Variants in MYO18B observed in about 807,000 individuals in gnomAD.
MYO18B encodes the protein myosin XVIIIB.
MYO18B carries 204 observed loss-of-function variants against 273.0 expected under a neutral mutation model. That is an observed-to-expected ratio of 0.75 (90% CI 0.67 to 0.84). The LOEUF (loss-of-function observed/expected upper bound fraction) is 0.84. MYO18B is among the 40% of genes least tolerant of loss of function. The pLI, the probability that MYO18B is intolerant of heterozygous loss-of-function variation, is 0.00. For synonymous variants in MYO18B, 1,330 were observed against 1,305.7 expected (o/e 1.02, Z -0.40); for missense variants, 3,212 against 3,287.6 (o/e 0.98, Z 0.56).
At position 25,752,388 on chromosome 22, in the gene MYO18B, C is replaced by T. The variant is rs112441701; in HGVS notation, c.-109-8596C>T. Among the ~76,000 whole-genome samples, 609 of 151,272 alleles carry T rather than the reference C, an allele frequency of 4.0e-3. 1 individual carries two copies. Among genetic ancestry groups the T allele is most frequent in the African/African-American group, 0.014 (586 of 41,182 alleles). On this transcript the variant is annotated intron_variant, in intron 1 of 43. Transcript: ENST00000335473. The stretch of plus-strand genomic sequence containing the variant: ...ATTTTTAGTAGAGACGGGGTTTCAC[C>T]GTTTTAGCCGGGATGGTCTCGATCT...
chr22:25,797,102 C>CTG (rs1168675828), intron 11 of MYO18B, among the ~76,000 whole-genome samples: 1 of 152,190 alleles, frequency 6.6e-6, no homozygotes, highest in Non-Finnish European at 1.5e-5. Flanking sequence ...TGGCGGGTGC[C>CTG]TGTAAGCCCA....
intron 22 of MYO18B, among the ~76,000 whole-genome samples, chr22:25,869,593 T>G (rs2090993223): frequency 6.6e-6 from 1 of 151,970 alleles, no homozygotes; most frequent in Non-Finnish European, 1.5e-5. Context: ...GAATGCCATC[T>G]AAGAAAACTT....
intron 43 of MYO18B, among the ~76,000 whole-genome samples, chr22:26,029,006 C>T (rs907069714): frequency 3.9e-5 from 6 of 152,116 alleles, no homozygotes; most frequent in African/African-American, 1.4e-4. Context: ...GTTATTTATT[C>T]CCATTTACCA....
intron 42 of MYO18B, among the ~76,000 whole-genome samples, chr22:26,013,345 T>G (rs1935061975): frequency 6.6e-6 from 1 of 152,134 alleles, no homozygotes; most frequent in Non-Finnish European, 1.5e-5. Flanking sequence ...CACATAGAAT[T>G]ATCGGGTCCA....
rs149419407 is a variant in MYO18B at position 25,873,959 on chromosome 22, G to A, written c.3952-327G>A. ...CAAAGGAACGTGCACAGGAATCCCCGGGGGATTGTGTTAAAGTGCAGGTTC... is the reference window on the plus strand; with the variant it reads ...CAAAGGAACGTGCACAGGAATCCCCAGGGGATTGTGTTAAAGTGCAGGTTC... On this transcript the variant is annotated intron_variant, in intron 22 of 43. Transcript: ENST00000335473. Among the ~76,000 whole-genome samples the A allele has an allele frequency of 4.3e-4, 65 of 152,260 alleles. 1 individual carries two copies. In the East Asian group the frequency reaches 0.01, roughly 24 times the overall value.
intron 23 of MYO18B, among the ~76,000 whole-genome samples, 171 bp from the exon 24 acceptor site, chr22:25,876,018 G>T (rs1358960513): frequency 2.1e-5 from 3 of 141,444 alleles, no homozygotes; most frequent in Non-Finnish European, 4.6e-5. Flanking sequence ...GTGTGTGTGT[G>T]TGTGTGTGTG....
At chr22:25,743,525 A>G (rs553905842) in intron 1 of MYO18B, among the ~76,000 whole-genome samples, 2 of 152,028 alleles carry the variant, frequency 1.3e-5, no homozygotes, top group East Asian at 3.9e-4. Context: ...GGAAAAAAGC[A>G]GGAGGAGAAA....
At chr22:26,029,724 C>T (rs73154188) in intron 43 of MYO18B, among the ~76,000 whole-genome samples, 8,663 of 152,154 alleles carry the variant, frequency 0.057, 423 homozygotes, top group African/African-American at 0.14. Context: ...CAAGACCCCC[C>T]AAAGCTCAGT....
intron 39 of MYO18B, among the ~76,000 whole-genome samples, chr22:25,991,659 C>T (rs542578374): frequency 7.9e-5 from 12 of 152,328 alleles, no homozygotes; most frequent in South Asian, 2.1e-4. Context: ...AGTTCCAGCT[C>T]CGCCATGAAG....
chr22:25,778,082 G>A (rs943443754), intron 8 of MYO18B, among the ~76,000 whole-genome samples: 3 of 152,162 alleles, frequency 2.0e-5, no homozygotes, highest in Non-Finnish European at 2.9e-5. Flanking sequence ...CCTAATAGAC[G>A]TACACAAATC....
chr22:25,979,946 T>C (rs1194811316), intron 39 of MYO18B, among the ~76,000 whole-genome samples: 2 of 152,066 alleles, frequency 1.3e-5, no homozygotes, highest in Non-Finnish European at 1.5e-5. Context: ...TTCCTCACCA[T>C]TGAAGCTCCA....
chr22:25,840,223 A>G (rs1422661817), intron 17 of MYO18B, among the ~76,000 whole-genome samples: 1 of 152,172 alleles, frequency 6.6e-6, no homozygotes, highest in South Asian at 2.1e-4. Flanking sequence ...TAACAAGGCC[A>G]TATGTGCATG....
chr22:25,753,001 T>C (rs11704840), intron 1 of MYO18B, among the ~76,000 whole-genome samples: 47,830 of 152,170 alleles, frequency 0.31, 7,904 homozygotes, highest in South Asian at 0.42. Flanking sequence ...CCGCCCGCGC[T>C]GCGCTCGAAT....
intron 15 of MYO18B, among the ~76,000 whole-genome samples, chr22:25,831,895 C>CCTACACAAAGG (rs2145932246): frequency 6.6e-6 from 1 of 152,202 alleles, no homozygotes; most frequent in African/African-American, 2.4e-5. Context: ...AATCTTTCTT[C>CCTACACAAAGG]CTACACAAAG....
chr22:25,921,360 A>G lies in MYO18B; in HGVS notation c.5468A>G (p.Asp1823Gly). The change falls in exon 34 of 44, where the codon GAT (aspartate) becomes GGT (glycine). Residue 1823 changes from aspartate to glycine, a missense_variant. Coordinates refer to ENST00000335473, the MANE Select transcript of MYO18B (RefSeq NM_032608.7). ...CAGCTCCTTCTGGGCACCATGGAGG[A>G]TGGCAAGACATCAGTCAGCAAGGAG... ...DVQLLLGTME[D>G]GKTSVSKEEL... The G allele has an allele frequency of 1.3e-6, 2 of 1,596,460 alleles. No individual in the cohort carries two copies. Among genetic ancestry groups the G allele is most frequent in the Non-Finnish European group, 1.7e-6 (2 of 1,171,530 alleles).
chr22:25,768,567 G>T lies in MYO18B; in HGVS notation c.651G>T (p.Arg217=). 2 of 1,536,214 alleles carry T rather than the reference G, an allele frequency of 1.3e-6. No homozygotes were observed. The highest frequency in any genetic ancestry group is 2.6e-5 in the South Asian group (2 of 76,242). Residue 217 remains arginine (R), a synonymous_variant, in exon 4 of 44, where the codon CGG becomes CGT. Coordinates refer to ENST00000335473, the MANE Select transcript of MYO18B (RefSeq NM_032608.7). ...TGGCCCCGAAAGCTGAGAAGACCCG[G>T]ACTGGGGGTCTTGGGGACCCAGGCC... The part of the protein sequence containing the change: ...EILAPKAEKT[R]TGGLGDPGQG...
At chr22:25,859,712 TG>T (rs1208294800) in intron 21 of MYO18B, among the ~76,000 whole-genome samples, 1 of 152,192 alleles carries the variant, frequency 6.6e-6, no homozygotes. Flanking sequence ...TTAATTAGGC[TG>T]TTTATCTTAT....
intron 12 of MYO18B, among the ~76,000 whole-genome samples, chr22:25,812,257 CG>C (rs2088796860): frequency 6.6e-6 from 1 of 152,172 alleles, no homozygotes. Context: ...GTGAAGAATG[CG>C]GGGCTCAGAA....
intron 16 of MYO18B, 76 bp from the exon 17 acceptor site, chr22:25,835,220 T>C: frequency 6.6e-7 from 1 of 1,503,924 alleles, no homozygotes; most frequent in South Asian, 1.3e-5. Flanking sequence ...TCATTCCCTA[T>C]CGGTGGGAAG....
Sources: gnomAD v4.1 joint callset for allele counts (sites outside exome capture counted in the v4.1 genomes callset) on GRCh38, gnomAD v4.1.1 for gene constraint, MANE v1.5 for transcripts, NCBI Gene and HGNC (gene_info 2026-07-23, HGNC 2026-07-21) for gene names.